TMEM39A: variants seen among roughly 807,000 people sequenced by gnomAD.
TMEM39A encodes the protein suppressor of SQST-1 aggregates in rpl-43 mutants.
Under a neutral mutation model 51.9 loss-of-function variants are expected in TMEM39A, and 19 were observed. The ratio of observed to expected loss-of-function variants is 0.37; its 90% CI spans 0.26 to 0.54. TMEM39A has a LOEUF of 0.54. Among genes scored for constraint, TMEM39A ranks in the 20% least tolerant of loss-of-function variants. The pLI, the probability that TMEM39A is intolerant of heterozygous loss-of-function variation, is 0.88. For missense variants in TMEM39A, 433 were observed against 590.5 expected (o/e 0.73, Z 2.76); for synonymous variants, 197 against 220.2 (o/e 0.89, Z 0.93).
Position 119,431,957 on chromosome 3 carries a change from T to A in TMEM39A, c.*24A>T, listed in dbSNP as rs1400862577. On this transcript the variant is annotated 3_prime_UTR_variant, in exon 9 of 9. Transcript: ENST00000319172. ...CGTATGAAAATATTTTTATCTGAGTTCTCCCTCATTGTTGAGAGGCAGCTT... is the reference window on the plus strand; with the variant it reads ...CGTATGAAAATATTTTTATCTGAGTACTCCCTCATTGTTGAGAGGCAGCTT... 1.2e-5 allele frequency: 18 copies of A among 1,446,222 alleles called. No individual in the cohort carries two copies. Among genetic ancestry groups the A allele is most frequent in the Non-Finnish European group, 1.5e-5 (16 of 1,063,498 alleles). The allele number at this position is 1,446,222 out of a possible 1,614,324, so 89.6% of individuals were successfully genotyped here. A position where few individuals can be genotyped will look rare whatever the true frequency, so the allele number is the denominator to read the frequency against.
chr3:119,443,166 G>C (rs1192509145), intron 5 of TMEM39A, among the ~76,000 whole-genome samples: 1 of 151,128 alleles, frequency 6.6e-6, no homozygotes, highest in Non-Finnish European at 1.5e-5. Context: ...GGATAAGAAA[G>C]TTGTTTCTTG....
rs1040230549 is a variant in TMEM39A, at chr3:119,429,687, T to C, written c.*2294A>G. The C allele has an allele frequency of 6.6e-6, 1 of 152,124 alleles. No individual in the cohort carries two copies. The highest frequency in any genetic ancestry group is 2.4e-5 in the African/African-American group (1 of 41,430). The allele number at this position is 152,124 out of a possible 1,614,324, so 9.4% of individuals were successfully genotyped here. On this transcript the variant is annotated 3_prime_UTR_variant, in exon 9 of 9. Coordinates refer to ENST00000319172, the MANE Select transcript of TMEM39A (RefSeq NM_018266.3). The stretch of plus-strand genomic sequence containing the variant: ...ACAAACAAAAAACAGCTGGAATGTG[T>C]AGAACACGTTGAACTAAACGGTCTT...
chr3:119,461,579 T>C (rs1412435449), intron 2 of TMEM39A, among the ~76,000 whole-genome samples: 1 of 152,216 alleles, frequency 6.6e-6, no homozygotes, highest in Non-Finnish European at 1.5e-5. Context: ...AAACAATTTT[T>C]TGACAATTTA....
At chr3:119,432,347 TTA>T in intron 8 of TMEM39A, 133 bp from the exon 9 acceptor site, 1 of 576,174 alleles carries the variant, frequency 1.7e-6, no homozygotes, top group Non-Finnish European at 2.9e-6. Context: ...ATCTGTTTAT[TTA>T]ATATCAATCA....
chr3:119,432,289 T>C, intron 8 of TMEM39A, 75 bp from the exon 9 acceptor site: 1 of 1,074,510 alleles, frequency 9.3e-7, no homozygotes, highest in Non-Finnish European at 1.3e-6. Context: ...CATTGATTTT[T>C]CTAAAATAAT....
intron 1 of TMEM39A, among the ~76,000 whole-genome samples, 172 bp downstream of exon 1, chr3:119,463,163 CG>C (rs1373118976): frequency 2.6e-5 from 4 of 152,190 alleles, no homozygotes; most frequent in Non-Finnish European, 5.9e-5. Flanking sequence ...AAAACTGGGA[CG>C]GAAGAGGTGA....
intron 5 of TMEM39A, among the ~76,000 whole-genome samples, chr3:119,443,073 A>T (rs1310923244): frequency 1.3e-5 from 2 of 151,404 alleles, no homozygotes; most frequent in Non-Finnish European, 2.9e-5. Flanking sequence ...CAAAAAAAAA[A>T]AAAAAAAAAA....
chr3:119,433,978 G>A (rs1328789707), intron 8 of TMEM39A, among the ~76,000 whole-genome samples: 1 of 152,202 alleles, frequency 6.6e-6, no homozygotes, highest in Non-Finnish European at 1.5e-5. Flanking sequence ...GACAGAGGGA[G>A]AAAGAGATGC....
At chr3:119,437,015 A>G (rs2080978574) in intron 6 of TMEM39A, 37 bp from the exon 7 acceptor site, 2 of 1,578,172 alleles carry the variant, frequency 1.3e-6, no homozygotes, top group Non-Finnish European at 1.7e-6. Flanking sequence ...TGATCCATGC[A>G]CTGGTAAAAA....
chr3:119,458,460 T>C (rs2081295085), intron 2 of TMEM39A, among the ~76,000 whole-genome samples: 1 of 152,188 alleles, frequency 6.6e-6, no homozygotes, highest in Admixed American at 6.5e-5. Context: ...ATAATTTCTC[T>C]CCATAGAGCT....
chr3:119,451,303 C>A (rs2081195357), intron 4 of TMEM39A: 1 of 1,288,702 alleles, frequency 7.8e-7, no homozygotes, highest in Non-Finnish European at 1.0e-6. Flanking sequence ...AAAATCAGAG[C>A]TTACACACAC....
At chr3:119,454,022 G>C (rs2081233017) in intron 3 of TMEM39A, among the ~76,000 whole-genome samples, 1 of 152,120 alleles carries the variant, frequency 6.6e-6, no homozygotes, top group Non-Finnish European at 1.5e-5. Flanking sequence ...AAAGGCACCT[G>C]GCATTACAAG....
chr3:119,435,220 A>AGTCT, intron 7 of TMEM39A: 1 of 985,420 alleles, frequency 1.0e-6, no homozygotes, highest in Non-Finnish European at 1.2e-6. Flanking sequence ...AAGTGAGCAG[A>AGTCT]GTCTACTGGT....
intron 2 of TMEM39A, among the ~76,000 whole-genome samples, chr3:119,459,103 A>G (rs189060909): frequency 8.5e-5 from 13 of 152,238 alleles, no homozygotes; most frequent in South Asian, 8.3e-4. Context: ...AGACTCCCAA[A>G]AAGAATGCAG....
intron 3 of TMEM39A, among the ~76,000 whole-genome samples, chr3:119,453,264 CTTAAT>C (rs1211081616): frequency 6.6e-6 from 1 of 152,184 alleles, no homozygotes; most frequent in Non-Finnish European, 1.5e-5. Flanking sequence ...TTCTTGATTA[CTTAAT>C]TTAATAAATC....
chr3:119,441,030 A>C (rs2081045680), intron 5 of TMEM39A, among the ~76,000 whole-genome samples: 1 of 152,170 alleles, frequency 6.6e-6, no homozygotes, highest in Admixed American at 6.5e-5. Context: ...GGCACTACAA[A>C]CTGCACCATA....
rs776577993 is a variant in TMEM39A at position 119,436,895 on chromosome 3, T to C, written c.1008A>G (p.Gln336=). 14 of 1,614,042 alleles carry C rather than the reference T, an allele frequency of 8.7e-6. No homozygotes were observed. Among genetic ancestry groups the C allele is most frequent in the East Asian group, 2.2e-5 (1 of 44,880 alleles). The change falls in exon 7 of 9, where the codon CAA becomes CAG. Residue 336 remains glutamine (Q), a synonymous_variant. Coordinates refer to ENST00000319172, the MANE Select transcript of TMEM39A (RefSeq NM_018266.3). ...WINAFVMLTT[Q]LLPSKYCDLL... Reference sequence around the variant, plus strand: ...AATCACAGTATTTGGATGGCAACAGTTGCGTGGTGAGCATGACAAAAGCAT... The same window carrying C: ...AATCACAGTATTTGGATGGCAACAGCTGCGTGGTGAGCATGACAAAAGCAT...
intron 4 of TMEM39A, among the ~76,000 whole-genome samples, chr3:119,451,596 C>T (rs1316022271): frequency 1.3e-5 from 2 of 151,990 alleles, no homozygotes; most frequent in East Asian, 1.9e-4. Flanking sequence ...TTCGGGAGGC[C>T]GAGGCAGGTG....
At chr3:119,448,373 G>A (rs553282443) in intron 4 of TMEM39A, among the ~76,000 whole-genome samples, 1 of 152,050 alleles carries the variant, frequency 6.6e-6, no homozygotes, top group Non-Finnish European at 1.5e-5. Context: ...ACCCAAAAAG[G>A]AGAAAAAAAT....
Sources: allele counts gnomAD v4.1 joint callset (sites outside exome capture counted in the v4.1 genomes callset), GRCh38; gene constraint gnomAD v4.1.1; transcripts MANE v1.5; gene names NCBI Gene and HGNC (gene_info 2026-07-23, HGNC 2026-07-21).